SIMC1: variants seen among roughly 807,000 people sequenced by gnomAD.
The protein encoded by SIMC1 is SUMO interacting motifs containing 1, also known as SUMO-interacting motif-containing protein 1.
A neutral mutation model predicts 82.3 loss-of-function variants in SIMC1; 55 were observed. That is an observed-to-expected ratio of 0.67 (90% CI 0.54 to 0.84). The LOEUF is 0.84. SIMC1 is among the 40% of genes least tolerant of loss of function. The pLI is 0.00. For missense variants in SIMC1, 915 were observed against 1,107.2 expected (o/e 0.83, Z 2.46); for synonymous variants, 353 against 426.3 (o/e 0.83, Z 2.12).
chr5:176,330,421 A>T (rs1431021676), intron 7 of SIMC1, among the ~76,000 whole-genome samples: 2 of 151,460 alleles, frequency 1.3e-5, no homozygotes, highest in Admixed American at 1.3e-4. Context: ...AAAAAAGGGA[A>T]CCAGAATTCC....
At chr5:176,309,935 A>C (rs1764592273) in intron 4 of SIMC1, among the ~76,000 whole-genome samples, 1 of 151,938 alleles carries the variant, frequency 6.6e-6, no homozygotes, top group East Asian at 1.9e-4. Flanking sequence ...GCCTTGTCTC[A>C]AAAAAAAGGC....
intron 7 of SIMC1, among the ~76,000 whole-genome samples, chr5:176,331,168 A>G (rs1765643565): frequency 6.6e-6 from 1 of 151,940 alleles, no homozygotes; most frequent in African/African-American, 2.4e-5. Context: ...CAGGAGATCA[A>G]TACCATCCTG....
At chr5:176,254,472 A>G (rs569447166) in intron 1 of SIMC1, among the ~76,000 whole-genome samples, 1 of 151,072 alleles carries the variant, frequency 6.6e-6, no homozygotes, top group African/African-American at 2.4e-5. Context: ...CTTAAAATTT[A>G]TCTAGTTTTA....
At position 176,277,611 on chromosome 5, in the gene SIMC1, G is replaced by A. The variant is rs144684540; in HGVS notation, c.130-12043G>A. On this transcript the variant is annotated intron_variant, in intron 1 of 9. Transcript: ENST00000429602. ...AACGTTTAAGTCTTTAATCTATCTT[G>A]AATTGATTTTTGTATAAGGTGTAAG... Among the ~76,000 whole-genome samples the A allele has an allele frequency of 2.8e-3, 432 of 152,074 alleles. 1 individual carries two copies. Among genetic ancestry groups the A allele is most frequent in the Middle Eastern group, 0.01 (3 of 294 alleles).
chr5:176,275,619 T>C (rs1442974700), intron 1 of SIMC1, among the ~76,000 whole-genome samples: 1 of 151,794 alleles, frequency 6.6e-6, no homozygotes, highest in Non-Finnish European at 1.5e-5. Context: ...TTGTCATAGA[T>C]AGCTCTTATT....
chr5:176,287,714 G>GA (rs959529194), intron 1 of SIMC1, among the ~76,000 whole-genome samples: 81 of 144,236 alleles, frequency 5.6e-4, no homozygotes, highest in Admixed American at 7.6e-4. Context: ...AATAAAAAAA[G>GA]AAAAAAAAAA....
At position 176,257,902 on chromosome 5, in the gene SIMC1, C is replaced by A. The variant is rs547937556; in HGVS notation, c.129+19265C>A. On this transcript the variant is annotated intron_variant, in intron 1 of 9. Coordinates refer to ENST00000429602, the MANE Select transcript of SIMC1 (RefSeq NM_001308195.2). Reference sequence around the variant, plus strand: ...CCCGCTAGATGCCTGCCAGTAGTAACCCCTCAACTTGTGACAATAAAAAAT... The same window carrying A: ...CCCGCTAGATGCCTGCCAGTAGTAAACCCTCAACTTGTGACAATAAAAAAT... Among the ~76,000 whole-genome samples, 3 of 152,268 alleles carry A rather than the reference C, an allele frequency of 2.0e-5. No individual in the cohort carries two copies. The South Asian group carries it at 6.2e-4, about 32-fold the overall frequency.
At chr5:176,242,314 T>C (rs1423821995) in intron 1 of SIMC1, among the ~76,000 whole-genome samples, 2 of 151,926 alleles carry the variant, frequency 1.3e-5, no homozygotes, top group East Asian at 3.8e-4. Flanking sequence ...TGAGTTAATA[T>C]TGCATCTTTA....
At chr5:176,304,600 G>C (rs1323917705) in intron 4 of SIMC1, among the ~76,000 whole-genome samples, 3 of 147,780 alleles carry the variant, frequency 2.0e-5, no homozygotes, top group Admixed American at 6.7e-5. Context: ...GCCTCTGCCC[G>C]GCCGCCACCC....
chr5:176,332,546 T>C (rs1765711572), intron 7 of SIMC1, among the ~76,000 whole-genome samples: 1 of 152,180 alleles, frequency 6.6e-6, no homozygotes, highest in African/African-American at 2.4e-5. Context: ...CGCCTCAGCC[T>C]CCCACAGTGC....
rs1444423492 is a variant in SIMC1, at chr5:176,290,484, T to C, written c.960T>C (p.Ser320=). Residue 320 remains serine, a synonymous_variant, in exon 2 of 10, where the codon AGT becomes AGC. Coordinates refer to ENST00000429602, the MANE Select transcript of SIMC1 (RefSeq NM_001308195.2). ...RSPGDVPQSP[S]DVSPSPDAPQ... ...CAGGAGATGTGCCACAGTCACCAAGTGATGTTTCACCGTCACCAGATGCAC... is the reference window on the plus strand; with the variant it reads ...CAGGAGATGTGCCACAGTCACCAAGCGATGTTTCACCGTCACCAGATGCAC... 15 of 1,613,768 alleles carry C rather than the reference T, an allele frequency of 9.3e-6. No individual in the cohort carries two copies. Among genetic ancestry groups the C allele is most frequent in the Non-Finnish European group, 1.3e-5 (15 of 1,179,888 alleles).
chr5:176,306,057 G>A (rs1764359644), intron 4 of SIMC1, among the ~76,000 whole-genome samples: 1 of 80,032 alleles, frequency 1.2e-5, no homozygotes, highest in East Asian at 3.9e-4. Flanking sequence ...CCCCCGCCCG[G>A]CCAGCCGCTC....
chr5:176,300,111 A>C (rs140869660), intron 4 of SIMC1, among the ~76,000 whole-genome samples: 31 of 152,352 alleles, frequency 2.0e-4, no homozygotes, highest in East Asian at 7.7e-4. Context: ...TTATGGATGC[A>C]GCAAAAGCAG....
chr5:176,297,546 TAA>T (rs763753370), intron 4 of SIMC1, among the ~76,000 whole-genome samples: 16,916 of 147,032 alleles, frequency 0.12, 1,042 homozygotes, highest in Admixed American at 0.15. Context: ...GAACTCTCTG[TAA>T]TAAACAAAGA....
chr5:176,274,985 T>A (rs1181355087), intron 1 of SIMC1, among the ~76,000 whole-genome samples: 2 of 151,864 alleles, frequency 1.3e-5, no homozygotes, highest in African/African-American at 4.8e-5. Flanking sequence ...CGTATGAACT[T>A]TAAAGTAGTT....
chr5:176,295,999 A>G (rs1049128251), intron 3 of SIMC1: 10 of 592,566 alleles, frequency 1.7e-5, no homozygotes, highest in Non-Finnish European at 2.9e-5. Context: ...GTTGGTTAAG[A>G]GTAGTGAAGA....
intron 1 of SIMC1, among the ~76,000 whole-genome samples, chr5:176,271,534 A>G (rs958308462): frequency 2.0e-5 from 3 of 152,150 alleles, no homozygotes; most frequent in African/African-American, 7.2e-5. Context: ...AATTAGACTC[A>G]TGGTGATAGT....
intron 1 of SIMC1, chr5:176,270,457 G>GCAAGAACAACAAC (rs948178945): frequency 1.1e-4 from 16 of 152,086 alleles, no homozygotes; most frequent in Non-Finnish European, 2.2e-4. Flanking sequence ...TGTCCCCCAA[G>GCAAGAACAACAAC]CAAGAACACC....
intron 1 of SIMC1, among the ~76,000 whole-genome samples, chr5:176,268,983 G>C (rs1304859402): frequency 2.0e-5 from 3 of 152,136 alleles, no homozygotes; most frequent in Non-Finnish European, 2.9e-5. Flanking sequence ...TGACCATAAT[G>C]AAAGTAAATT....
Sources: gnomAD v4.1 joint callset for allele counts (sites outside exome capture counted in the v4.1 genomes callset) on GRCh38, gnomAD v4.1.1 for gene constraint, MANE v1.5 for transcripts, NCBI Gene and HGNC (gene_info 2026-07-23, HGNC 2026-07-21) for gene names.